ESRRG: variants seen among roughly 807,000 people sequenced by gnomAD.
ESRRG encodes estrogen related receptor gamma.
Under a neutral mutation model 44.0 loss-of-function variants are expected in ESRRG, and 13 were observed. The observed-to-expected ratio is 0.30, with a 90% CI of 0.19 to 0.47. ESRRG has a LOEUF of 0.47. Among genes scored for constraint, ESRRG ranks in the 20% least tolerant of loss-of-function variants. The probability of loss-of-function intolerance (pLI) is 1.00; values close to 1 mark genes in which losing one functional copy is unlikely to be tolerated. For missense variants in ESRRG, 395 were observed against 580.6 expected, an observed-to-expected ratio of 0.68 and a Z score of 3.29; for synonymous variants, 215 against 214.6, an observed-to-expected ratio of 1.00 and a Z score of -0.02.
chr1:216,734,843 T>G (rs1433375759), intron 2 of ESRRG, among the ~76,000 whole-genome samples: 10 of 152,004 alleles, frequency 6.6e-5, no homozygotes, highest in Non-Finnish European at 1.3e-4. Context: ...ACTTATGAAT[T>G]TCCCCCCTCT....
rs145389267 is a variant in ESRRG, at chr1:216,995,834, AT to A, written c.-105-56162del. The stretch of plus-strand genomic sequence containing the variant: ...CTATCTCCTGACTACATTTTGTCCT[AT>A]TCTTTTTGTTCTATCATAAACCAAC... On this transcript the variant is annotated intron_variant, in intron 1 of 7. Coordinates refer to the ESRRG transcript ENST00000359162. 8.4e-3 allele frequency among the ~76,000 whole-genome samples: 1,284 copies of A among 152,256 alleles called. 20 individuals are homozygous for A. The highest frequency in any genetic ancestry group is 0.029 in the African/African-American group (1,220 of 41,560).
At chr1:216,765,410 G>A (rs1210692331) in intron 2 of ESRRG, among the ~76,000 whole-genome samples, 4 of 152,118 alleles carry the variant, frequency 2.6e-5, no homozygotes, top group Non-Finnish European at 2.9e-5. Flanking sequence ...AGGCAGCCCT[G>A]TGATCACCCC....
intron 3 of ESRRG, among the ~76,000 whole-genome samples, chr1:216,576,940 T>G (rs2061789956): frequency 6.6e-6 from 1 of 151,888 alleles, no homozygotes; most frequent in Non-Finnish European, 1.5e-5. Flanking sequence ...ATACCCAATA[T>G]CTCATTATTT....
At chr1:216,830,892 T>TTGTTAA (rs915759052) in intron 2 of ESRRG, among the ~76,000 whole-genome samples, 2 of 152,114 alleles carry the variant, frequency 1.3e-5, no homozygotes, top group African/African-American at 4.8e-5. Context: ...TGCAAAGGAA[T>TTGTTAA]TGTTAAGAAC....
chr1:216,820,066 T>C (rs566729385), intron 2 of ESRRG, among the ~76,000 whole-genome samples: 1 of 152,114 alleles, frequency 6.6e-6, no homozygotes, highest in Non-Finnish European at 1.5e-5. Flanking sequence ...GAGAGAGATC[T>C]CACTACATCC....
chr1:216,863,206 T>TGATG (rs2096083050), intron 2 of ESRRG: 1 of 152,136 alleles, frequency 6.6e-6, no homozygotes, highest in South Asian at 2.1e-4. Flanking sequence ...ACAGGCTCTC[T>TGATG]GTGAATGCTG....
intron 5 of ESRRG, among the ~76,000 whole-genome samples, chr1:216,563,326 C>A (rs535014335): frequency 2.0e-5 from 3 of 152,270 alleles, no homozygotes; most frequent in African/African-American, 7.2e-5. Context: ...TATCGCCTGA[C>A]AGTTCGTTAC....
At chr1:216,916,067 C>T (rs528886051) in intron 2 of ESRRG, among the ~76,000 whole-genome samples, 7 of 152,106 alleles carry the variant, frequency 4.6e-5, no homozygotes, top group Non-Finnish European at 8.8e-5. Flanking sequence ...CACCCACTCT[C>T]CTCTCCCTTT....
rs568320987 is a variant in ESRRG at position 216,834,428 on chromosome 1, T to TA, written c.-14+105153dup. Among the ~76,000 whole-genome samples, 1,202 of 151,842 alleles carry TA rather than the reference T, an allele frequency of 7.9e-3. 12 individuals carry two copies. The highest frequency in any genetic ancestry group is 9.5e-3 in the Non-Finnish European group (643 of 67,916). On this transcript the variant is annotated intron_variant, in intron 2 of 7. Transcript: ENST00000359162. ...ATAAAATAAAATAAATACAATAAAA[T>TA]AAAAAATCAACATAACTCTACCCGT...
intron 1 of ESRRG, among the ~76,000 whole-genome samples, chr1:217,097,303 C>T (rs1453747165): frequency 6.6e-6 from 1 of 152,200 alleles, no homozygotes; most frequent in African/African-American, 2.4e-5. Flanking sequence ...AAAAAAGGCA[C>T]CTCTCTATTA....
At chr1:216,553,875 A>G (rs537779500) in intron 5 of ESRRG, among the ~76,000 whole-genome samples, 1 of 152,112 alleles carries the variant, frequency 6.6e-6, no homozygotes, top group Non-Finnish European at 1.5e-5. Flanking sequence ...GAAATCAAAA[A>G]TTTTAAAAGT....
intron 2 of ESRRG, among the ~76,000 whole-genome samples, chr1:216,821,648 G>A: frequency 7.1e-6 from 1 of 139,896 alleles, no homozygotes; most frequent in South Asian, 2.3e-4. Flanking sequence ...TAACAGCACT[G>A]CACTCCAGCC....
At chr1:216,790,943 A>C (rs565044955) in intron 2 of ESRRG, among the ~76,000 whole-genome samples, 4 of 152,296 alleles carry the variant, frequency 2.6e-5, no homozygotes, top group Non-Finnish European at 5.9e-5. Context: ...ACAGTTGAAC[A>C]AAAATGGAAG....
At chr1:216,768,978 A>C (rs2093252814) in intron 2 of ESRRG, among the ~76,000 whole-genome samples, 1 of 152,082 alleles carries the variant, frequency 6.6e-6, no homozygotes, top group South Asian at 2.1e-4. Flanking sequence ...ACTGACATTA[A>C]GTCACATTTT....
At chr1:216,546,463 ATGGGCGTGCAAAC>A (rs2054549144) in intron 5 of ESRRG, among the ~76,000 whole-genome samples, 1 of 152,066 alleles carries the variant, frequency 6.6e-6, no homozygotes, top group Admixed American at 6.6e-5. Context: ...GGCCGGCTTC[ATGGGCGTGCAAAC>A]TGCAGGAAGC....
intron 1 of ESRRG, among the ~76,000 whole-genome samples, chr1:216,703,946 A>G (rs2081962216): frequency 6.6e-6 from 1 of 152,312 alleles, no homozygotes; most frequent in East Asian, 1.9e-4. Flanking sequence ...AAATGCAGGT[A>G]AAAAGGAATC....
chr1:216,928,708 T>C (rs373558303), intron 2 of ESRRG, among the ~76,000 whole-genome samples: 1 of 152,192 alleles, frequency 6.6e-6, no homozygotes, highest in South Asian at 2.1e-4. Context: ...ACAATCCAAA[T>C]ATTAATCAAC....
chr1:217,018,331 T>C (rs748722698), intron 1 of ESRRG, among the ~76,000 whole-genome samples: 33 of 152,134 alleles, frequency 2.2e-4, no homozygotes, highest in Non-Finnish European at 3.5e-4. Context: ...GATGACAGTC[T>C]CCTAGACTGG....
chr1:216,659,868 G>A (rs1167856288), intron 2 of ESRRG, among the ~76,000 whole-genome samples: 15 of 152,100 alleles, frequency 9.9e-5, no homozygotes, highest in Admixed American at 2.6e-4. Flanking sequence ...TGAGGGCAGC[G>A]TCTTACTCCT....
Sources: allele counts gnomAD v4.1 joint callset (sites outside exome capture counted in the v4.1 genomes callset), GRCh38; gene constraint gnomAD v4.1.1; transcripts MANE v1.5; gene names NCBI Gene and HGNC (gene_info 2026-07-23, HGNC 2026-07-21).